LUZP2: variants seen among roughly 807,000 people sequenced by gnomAD.
The protein encoded by LUZP2 is leucine zipper protein 2.
LUZP2 carries 52 observed loss-of-function variants against 51.6 expected under a neutral mutation model. The observed-to-expected ratio is 1.01, with a 90% CI of 0.81 to 1.27. The LOEUF (loss-of-function observed/expected upper bound fraction) is 1.27, where lower values mean the gene tolerates loss of function less well. LUZP2 is among the 50% of genes most tolerant of loss of function. The pLI is 0.00. For synonymous variants in LUZP2, 154 were observed against 137.3 expected, an observed-to-expected ratio of 1.12 and a Z score of -0.85; for missense variants, 436 against 395.4, an observed-to-expected ratio of 1.10 and a Z score of -0.87.
intron 5 of LUZP2, among the ~76,000 whole-genome samples, chr11:24,872,209 T>G (rs2134269925): frequency 1.3e-5 from 2 of 152,280 alleles, no homozygotes; most frequent in Admixed American, 1.3e-4. Context: ...TGAATTTTTC[T>G]CAGTCTTTAC....
At chr11:24,806,427 T>A (rs552160360) in intron 5 of LUZP2, among the ~76,000 whole-genome samples, 1 of 152,294 alleles carries the variant, frequency 6.6e-6, no homozygotes, top group South Asian at 2.1e-4. Context: ...CACATTTTTG[T>A]AAACTATACG....
chr11:24,758,511 A>G (rs969157767), intron 4 of LUZP2, among the ~76,000 whole-genome samples: 5 of 152,088 alleles, frequency 3.3e-5, no homozygotes, highest in African/African-American at 1.2e-4. Context: ...TGAAGATTCT[A>G]GGTTAAATAA....
chr11:24,803,224 C>T (rs962206316), intron 5 of LUZP2, among the ~76,000 whole-genome samples: 2 of 151,870 alleles, frequency 1.3e-5, no homozygotes, highest in African/African-American at 4.8e-5. Flanking sequence ...TGATATTTCC[C>T]CAAATAAGAC....
chr11:24,982,430 A>G (rs1590801450), intron 8 of LUZP2, among the ~76,000 whole-genome samples: 1 of 151,924 alleles, frequency 6.6e-6, no homozygotes, highest in African/African-American at 2.4e-5. Context: ...ATCCAGCCAT[A>G]AAAAAGAATG....
intron 1 of LUZP2, among the ~76,000 whole-genome samples, chr11:24,526,042 A>G (rs940997614): frequency 6.6e-6 from 1 of 151,384 alleles, no homozygotes; most frequent in African/African-American, 2.4e-5. Flanking sequence ...AGGTACTTTC[A>G]ATATTTTTTA....
intron 1 of LUZP2, among the ~76,000 whole-genome samples, chr11:24,631,896 C>T (rs980375300): frequency 4.0e-5 from 6 of 151,770 alleles, no homozygotes; most frequent in African/African-American, 7.3e-5. Context: ...TTGGAGAATG[C>T]AAATTAATAC....
intron 1 of LUZP2, among the ~76,000 whole-genome samples, chr11:24,642,831 C>T (rs1237346642): frequency 6.6e-6 from 1 of 151,910 alleles, no homozygotes; most frequent in South Asian, 2.1e-4. Context: ...GAGGATATAT[C>T]AGGGGTAAGG....
intron 1 of LUZP2, among the ~76,000 whole-genome samples, chr11:24,572,159 T>A (rs1305141413): frequency 1.3e-5 from 2 of 152,004 alleles, no homozygotes; most frequent in African/African-American, 4.8e-5. Flanking sequence ...CTTACTCTGC[T>A]TAGAATAAGC....
chr11:24,943,827 G>A (rs1345878016), intron 7 of LUZP2, among the ~76,000 whole-genome samples: 3 of 149,250 alleles, frequency 2.0e-5, no homozygotes, highest in Admixed American at 1.3e-4. Context: ...GTAGTGAGCC[G>A]AGATTGGGCC....
rs533429284 is a variant in LUZP2 at position 24,602,126 on chromosome 11, GTA to G, written c.62+104825_62+104826del. Reference sequence around the variant, plus strand: ...TGTATATGTGTATATATGTATATATGTATATGTGTATATATGTATATATGTAT... The same window carrying G: ...TGTATATGTGTATATATGTATATATGTATGTGTATATATGTATATATGTAT... On this transcript the variant is annotated intron_variant, in intron 1 of 11. Transcript: ENST00000336930. 1.4e-4 allele frequency among the ~76,000 whole-genome samples: 15 copies of G among 105,164 alleles called. No homozygotes were observed. In the South Asian group the frequency reaches 3.2e-3, roughly 22 times the overall value. 69.0% of individuals were successfully genotyped at this position (105,164 alleles called of 152,430 possible).
intron 1 of LUZP2, among the ~76,000 whole-genome samples, chr11:24,538,002 T>C (rs992157556): frequency 7.5e-6 from 1 of 132,988 alleles, no homozygotes; most frequent in Non-Finnish European, 1.7e-5. Context: ...AATGAGGTTT[T>C]TATAGGGCCA....
chr11:24,680,977 T>C (rs34377362), intron 1 of LUZP2, among the ~76,000 whole-genome samples: 22 of 102,046 alleles, frequency 2.2e-4, no homozygotes, highest in Admixed American at 6.5e-4. Flanking sequence ...TTCTTTATTT[T>C]TTTTTTTTTT....
intron 5 of LUZP2, among the ~76,000 whole-genome samples, chr11:24,898,410 G>A (rs1247599889): frequency 2.6e-5 from 4 of 152,182 alleles, no homozygotes; most frequent in African/African-American, 2.4e-5. Flanking sequence ...AGATCACAAG[G>A]TCAGGAGATC....
intron 6 of LUZP2, among the ~76,000 whole-genome samples, chr11:24,910,248 TA>T (rs912298952): frequency 1.0e-4 from 15 of 150,330 alleles, no homozygotes; most frequent in Non-Finnish European, 1.9e-4. Context: ...GACAATGCAA[TA>T]AAAAAAAAGA....
At chr11:24,617,235 C>G (rs1854319325) in intron 1 of LUZP2, among the ~76,000 whole-genome samples, 1 of 150,480 alleles carries the variant, frequency 6.6e-6, no homozygotes, top group South Asian at 2.1e-4. Flanking sequence ...TCCCTCTGTA[C>G]TTTCTATTCT....
chr11:24,974,249 T>C (rs1855826083), intron 7 of LUZP2, among the ~76,000 whole-genome samples: 1 of 152,164 alleles, frequency 6.6e-6, no homozygotes, highest in Non-Finnish European at 1.5e-5. Flanking sequence ...GAAATTAGGA[T>C]TGCAACCTCT....
At chr11:24,746,998 C>A (rs1280352229) in intron 4 of LUZP2, among the ~76,000 whole-genome samples, 1 of 152,130 alleles carries the variant, frequency 6.6e-6, no homozygotes, top group African/African-American at 2.4e-5. Flanking sequence ...CTTTGCCTTT[C>A]TCTGGTGCCT....
intron 4 of LUZP2, among the ~76,000 whole-genome samples, chr11:24,745,736 G>T (rs1859356412): frequency 6.6e-6 from 1 of 152,096 alleles, no homozygotes. Flanking sequence ...GAAGTGCAGT[G>T]GCACAATCTT....
chr11:24,677,812 G>A (rs1057305677), intron 1 of LUZP2, among the ~76,000 whole-genome samples: 7 of 152,128 alleles, frequency 4.6e-5, no homozygotes, highest in Non-Finnish European at 1.0e-4. Flanking sequence ...CACTTTGGGA[G>A]GCCGAGGCGG....
Sources: allele counts gnomAD v4.1 joint callset (sites outside exome capture counted in the v4.1 genomes callset), GRCh38; gene constraint gnomAD v4.1.1; transcripts MANE v1.5; gene names NCBI Gene and HGNC (gene_info 2026-07-23, HGNC 2026-07-21).